The following DCTPP1 variants were observed in gnomAD, a reference collection of about 807,000 sequenced individuals.
DCTPP1 encodes dCTP pyrophosphatase 1.
DCTPP1 carries 8 observed loss-of-function variants against 8.8 expected under a neutral mutation model. The observed-to-expected ratio is 0.91, with a 90% CI of 0.54 to 1.64. The LOEUF (loss-of-function observed/expected upper bound fraction) is 1.64, where lower values mean the gene tolerates loss of function less well. Among genes scored for constraint, DCTPP1 ranks in the 40% most tolerant of loss-of-function variants. The pLI is 0.00. For missense variants in DCTPP1, 231 were observed against 230.4 expected (o/e 1.00, Z -0.02); for synonymous variants, 85 against 92.1 (o/e 0.92, Z 0.44).
At chr16:30,425,297 G>T (rs897887990) in intron 2 of DCTPP1, among the ~76,000 whole-genome samples, 1 of 152,104 alleles carries the variant, frequency 6.6e-6, no homozygotes, top group Non-Finnish European at 1.5e-5. Context: ...GACCAGCCTG[G>T]CCAAGATGGT....
At chr16:30,428,785 C>CA in intron 2 of DCTPP1, 1 of 416,798 alleles carries the variant, frequency 2.4e-6, no homozygotes, top group South Asian at 7.8e-5. Context: ...GCCAAAAAAA[C>CA]AAAAAACAAA....
At position 30,429,047 on chromosome 16, in the gene DCTPP1, A is replaced by G; in HGVS notation, c.212+10T>C. On this transcript the variant is annotated intron_variant, in intron 2 of 2. Transcript: ENST00000319285. ...CTCAGACTCTACCAGGAAGCTTTCC[A>G]TCTACTCACAAGAGTTCTGCCAGCT... 1.9e-6 allele frequency: 3 copies of G among 1,611,806 alleles called. No individual in the cohort carries two copies. The South Asian group carries it at 3.3e-5, about 18-fold the overall frequency.
In DCTPP1 at chr16:30,424,337, A is replaced by C. The variant is rs372874656; in HGVS notation, c.409T>G (p.Ser137Ala). The part of the protein sequence containing the change: ...RRYPAHLARS[S>A]SRKYTELPHG... The stretch of plus-strand genomic sequence containing the variant: ...GGCAATTCTGTATACTTGCGGGAAG[A>C]GCTGCGGGCCAGATGGGCTGGGTAG... The change falls in exon 3 of 3, where the codon TCT becomes GCT. Residue 137 changes from serine (S) to alanine (A), a missense_variant. By Grantham distance (99) the Ser-to-Ala change is moderately conservative. Coordinates refer to ENST00000319285, the MANE Select transcript of DCTPP1 (RefSeq NM_024096.2). The C allele has an allele frequency of 8.1e-6, 13 of 1,614,088 alleles. No homozygotes were observed. The highest frequency in any genetic ancestry group is 1.0e-5 in the Non-Finnish European group (12 of 1,180,040).
chr16:30,425,241 C>A (rs1318724642), intron 2 of DCTPP1, among the ~76,000 whole-genome samples: 3 of 152,148 alleles, frequency 2.0e-5, no homozygotes, highest in Non-Finnish European at 4.4e-5. Context: ...ATAATCCCAG[C>A]ACTTGGGGAG....
chr16:30,426,561 TC>T (rs1314975136), intron 2 of DCTPP1, among the ~76,000 whole-genome samples: 3 of 148,008 alleles, frequency 2.0e-5, no homozygotes, highest in Non-Finnish European at 4.5e-5. Flanking sequence ...CAGCTCTGCC[TC>T]CCGGATTCAA....
intron 2 of DCTPP1, among the ~76,000 whole-genome samples, chr16:30,426,458 A>T (rs540331777): frequency 6.8e-6 from 1 of 146,054 alleles, no homozygotes; most frequent in Non-Finnish European, 1.5e-5. Context: ...TACAGGTGTG[A>T]GCCACAGCAC....
At chr16:30,428,541 G>A (rs1465984525) in intron 2 of DCTPP1, among the ~76,000 whole-genome samples, 1 of 151,894 alleles carries the variant, frequency 6.6e-6, no homozygotes, top group African/African-American at 2.4e-5. Flanking sequence ...AGGCCAAGGC[G>A]GGTGGATCAC....
intron 2 of DCTPP1, among the ~76,000 whole-genome samples, chr16:30,428,068 C>T (rs1881246801): frequency 6.6e-6 from 1 of 152,156 alleles, no homozygotes; most frequent in Non-Finnish European, 1.5e-5. Context: ...CTCTGGTGTC[C>T]CCTGCCCCAT....
intron 2 of DCTPP1, among the ~76,000 whole-genome samples, chr16:30,428,534 C>G (rs1456761254): frequency 6.6e-6 from 1 of 152,180 alleles, no homozygotes; most frequent in Non-Finnish European, 1.5e-5. Context: ...CTTTGGGAGG[C>G]CAAGGCGGGT....
chr16:30,424,304 C>T lies in DCTPP1; in HGVS notation c.442G>A (p.Ala148Thr). ...SRKYTELPHG[A>T]ISEDQAVGPA... Reference sequence around the variant, plus strand: ...CCCACAGCCTGGTCTTCAGAGATGGCCCCATGGGGCAATTCTGTATACTTG... The same window carrying T: ...CCCACAGCCTGGTCTTCAGAGATGGTCCCATGGGGCAATTCTGTATACTTG... Residue 148 changes from alanine to threonine, a missense_variant, in exon 3 of 3, where the codon GCC becomes ACC. Transcript: ENST00000319285. The T allele has an allele frequency of 6.2e-7, 1 of 1,614,220 alleles. No homozygotes were observed. Among genetic ancestry groups the T allele is most frequent in the Non-Finnish European group, 8.5e-7 (1 of 1,180,044 alleles).
At position 30,429,738 on chromosome 16, in the gene DCTPP1, G is replaced by A. The variant is rs186240906; in HGVS notation, c.101+142C>T. On this transcript the variant is annotated intron_variant, in intron 1 of 2. Transcript: ENST00000319285. ...TGCGCCCATTTTGCAGATGAGGTAA[G>A]AAGGCTCACCCAGGGACAGCCCACA... 1,400 of 771,784 alleles carry A rather than the reference G, an allele frequency of 1.8e-3. 1 individual carries two copies. Among genetic ancestry groups the A allele is most frequent in the Middle Eastern group, 5.0e-3 (13 of 2,606 alleles). The allele number at this position is 771,784 out of a possible 1,614,324, so 47.8% of individuals were successfully genotyped here. A position where few individuals can be genotyped will look rare whatever the true frequency, so the allele number is the denominator to read the frequency against.
At chr16:30,427,064 C>G (rs916823013) in intron 2 of DCTPP1, among the ~76,000 whole-genome samples, 7 of 149,920 alleles carry the variant, frequency 4.7e-5, no homozygotes, top group African/African-American at 1.5e-4. Flanking sequence ...GGCTAGAGTG[C>G]AGTGGCGCGA....
intron 1 of DCTPP1, 56 bp from the exon 2 acceptor site, chr16:30,429,223 G>C: frequency 6.3e-7 from 1 of 1,589,276 alleles, no homozygotes; most frequent in Non-Finnish European, 8.6e-7. Flanking sequence ...GGTGATGCAG[G>C]GGCCAGAGGC....
intron 1 of DCTPP1, 103 bp from the exon 2 acceptor site, chr16:30,429,270 G>A (rs1344069866): frequency 8.9e-7 from 1 of 1,129,474 alleles, no homozygotes; most frequent in Non-Finnish European, 1.3e-6. Context: ...CCTGGGACCA[G>A]GAGATTCTGC....
intron 2 of DCTPP1, among the ~76,000 whole-genome samples, chr16:30,426,786 G>A (rs1367578761): frequency 1.3e-5 from 2 of 151,790 alleles, no homozygotes; most frequent in Non-Finnish European, 2.9e-5. Flanking sequence ...TGCAACCTCT[G>A]CCTCCAGGGT....
In DCTPP1 at chr16:30,426,550, C is replaced by T. The variant is rs1015421480; in HGVS notation, c.213-2017G>A. Among the ~76,000 whole-genome samples, 66 of 149,874 alleles carry T rather than the reference C, an allele frequency of 4.4e-4. 1 individual carries two copies. Among genetic ancestry groups the T allele is most frequent in the Admixed American group, 8.0e-4 (12 of 14,960 alleles). The stretch of plus-strand genomic sequence containing the variant: ...GCAATGGCGTGATCTTGGCTCACTG[C>T]CAGCTCTGCCTCCCGGATTCAAGCG... On this transcript the variant is annotated intron_variant, in intron 2 of 2. Coordinates refer to ENST00000319285, the MANE Select transcript of DCTPP1 (RefSeq NM_024096.2).
chr16:30,424,080 G>C lies in DCTPP1; in HGVS notation c.*153C>G, dbSNP rs571438951. 1.9e-4 allele frequency: 165 copies of C among 886,556 alleles called. No homozygotes were observed. The South Asian group carries it at 2.9e-3, about 15-fold the overall frequency. 54.9% of individuals were successfully genotyped at this position (886,556 alleles called of 1,614,324 possible). A position where few individuals can be genotyped will look rare whatever the true frequency, so the allele number is the denominator to read the frequency against. ...TTACTGGGAGAACAAACACCAGGAG[G>C]CTACCTTCTAGAGGCTGCTGGGCCT... On this transcript the variant is annotated 3_prime_UTR_variant, in exon 3 of 3. Coordinates refer to ENST00000319285, the MANE Select transcript of DCTPP1 (RefSeq NM_024096.2).
Position 30,429,918 on chromosome 16 carries a change from G to A in DCTPP1, c.63C>T (p.Gly21=), listed in dbSNP as rs2050215294. 2.5e-6 allele frequency: 4 copies of A among 1,594,128 alleles called. No individual in the cohort carries two copies. The highest frequency in any genetic ancestry group is 3.4e-6 in the Non-Finnish European group (4 of 1,171,198). The part of the protein sequence containing the change: ...DTGGEDTAAP[G]RFSFSPEPTL... ...TGGGCTCCGGGCTGAAGCTGAACCG[G>A]CCGGGAGCAGCAGTGTCCTCTCCCC... The change falls in exon 1 of 3, where the codon GGC becomes GGT. Residue 21 remains glycine (G), a synonymous_variant. Transcript: ENST00000319285.
intron 2 of DCTPP1, among the ~76,000 whole-genome samples, chr16:30,425,040 C>T (rs760803473): frequency 2.4e-4 from 36 of 152,242 alleles, no homozygotes; most frequent in Non-Finnish European, 4.1e-4. Flanking sequence ...GCCGCCATGC[C>T]CGGCTAATTT....
Sources: allele counts gnomAD v4.1 joint callset (sites outside exome capture counted in the v4.1 genomes callset), GRCh38; gene constraint gnomAD v4.1.1; transcripts MANE v1.5; gene names NCBI Gene and HGNC (gene_info 2026-07-23, HGNC 2026-07-21).